The following CSRNP3 variants were observed in gnomAD, a reference collection of about 807,000 sequenced individuals.
CSRNP3 encodes cysteine/serine-rich nuclear protein 3.
CSRNP3 carries 12 observed loss-of-function variants against 48.0 expected under a neutral mutation model. The observed-to-expected ratio is 0.25, with a 90% confidence interval of 0.16 to 0.41. The LOEUF is 0.41. Among genes scored for constraint, CSRNP3 ranks in the 10% least tolerant of loss-of-function variants. The probability of loss-of-function intolerance (pLI) is 1.00; values close to 1 mark genes in which losing one functional copy is unlikely to be tolerated. For synonymous variants in CSRNP3, 263 were observed against 269.7 expected (o/e 0.98, Z 0.24); for missense variants, 580 against 724.4 (o/e 0.80, Z 2.29).
chr2:165,623,963 A>G (rs922297655), intron 4 of CSRNP3, among the ~76,000 whole-genome samples: 3 of 152,162 alleles, frequency 2.0e-5, no homozygotes, highest in Non-Finnish European at 4.4e-5. Context: ...ATAGCAGCAC[A>G]TGGAGTCTAT....
chr2:165,653,001 G>A (rs554490340), intron 4 of CSRNP3, among the ~76,000 whole-genome samples: 1 of 152,274 alleles, frequency 6.6e-6, no homozygotes, highest in East Asian at 1.9e-4. Context: ...TACTAGGTAG[G>A]TATATCAGGG....
intron 5 of CSRNP3, among the ~76,000 whole-genome samples, chr2:165,659,884 G>A (rs1454458061): frequency 3.3e-5 from 5 of 152,290 alleles, no homozygotes; most frequent in South Asian, 2.1e-4. Context: ...ATGTATGTAC[G>A]TGCCATGTTC....
intron 4 of CSRNP3, among the ~76,000 whole-genome samples, chr2:165,634,538 C>T (rs1443122743): frequency 2.0e-5 from 3 of 152,062 alleles, no homozygotes; most frequent in Admixed American, 2.0e-4. Context: ...ATATGCATAA[C>T]ATCAAGTAGT....
In CSRNP3 at chr2:165,657,655, C is replaced by T. The variant is rs12620509; in HGVS notation, c.149-106C>T. 3.5e-5 allele frequency: 49 copies of T among 1,386,816 alleles called. No individual in the cohort carries two copies. In the African/African-American group the frequency reaches 5.3e-4, roughly 15 times the overall value. The allele number at this position is 1,386,816 out of a possible 1,614,324, so 85.9% of individuals were successfully genotyped here. A position where few individuals can be genotyped will look rare whatever the true frequency, so the allele number is the denominator to read the frequency against. On this transcript the variant is annotated intron_variant, in intron 4 of 6. Coordinates refer to ENST00000651982, the MANE Select transcript of CSRNP3 (RefSeq NM_001172173.2). ...AACAGTTTTAGAGTGCCCTAGCCAA[C>T]AAGGGTTGGCCACAGATAGATTCAA...
At chr2:165,602,900 T>C (rs915629183) in intron 4 of CSRNP3, among the ~76,000 whole-genome samples, 4 of 152,120 alleles carry the variant, frequency 2.6e-5, no homozygotes, top group African/African-American at 9.7e-5. Flanking sequence ...TTTTTTATTT[T>C]TTTTAATTTT....
At chr2:165,557,766 T>C (rs575888238) in intron 3 of CSRNP3, among the ~76,000 whole-genome samples, 1 of 152,330 alleles carries the variant, frequency 6.6e-6, no homozygotes, top group African/African-American at 2.4e-5. Context: ...AAATATTTAA[T>C]TGAATCCCAG....
At chr2:165,593,650 A>G (rs1208990965) in intron 3 of CSRNP3, among the ~76,000 whole-genome samples, 1 of 152,186 alleles carries the variant, frequency 6.6e-6, no homozygotes, top group Non-Finnish European at 1.5e-5. Context: ...TACAGAGATA[A>G]TATAACTAAG....
chr2:165,669,160 A>C (rs929659427), intron 5 of CSRNP3, among the ~76,000 whole-genome samples: 3 of 152,204 alleles, frequency 2.0e-5, no homozygotes, highest in Non-Finnish European at 4.4e-5. Context: ...AAGTTGAATT[A>C]GTTTTTCACA....
intron 3 of CSRNP3, among the ~76,000 whole-genome samples, chr2:165,558,678 T>C (rs1286620211): frequency 2.0e-5 from 3 of 152,226 alleles, no homozygotes; most frequent in South Asian, 2.1e-4. Context: ...TTGTTTATTA[T>C]GTAGCCGCAA....
chr2:165,666,623 G>A lies in CSRNP3; in HGVS notation c.408+8603G>A, dbSNP rs1368462303. Among the ~76,000 whole-genome samples, 21 of 81,958 alleles carry A rather than the reference G, an allele frequency of 2.6e-4. 5 individuals carry two copies. Among genetic ancestry groups the A allele is most frequent in the African/African-American group, 9.0e-4 (20 of 22,182 alleles). The allele number at this position is 81,958 out of a possible 152,430, so 53.8% of individuals were successfully genotyped here. A position where few individuals can be genotyped will look rare whatever the true frequency, so the allele number is the denominator to read the frequency against. On this transcript the variant is annotated intron_variant, in intron 5 of 6. Transcript: ENST00000651982. ...GAGAGAGATGAAGAAAGAGAGAAAG[G>A]AAGGAAGTAAGGGAGGAAAGACAGA...
intron 3 of CSRNP3, among the ~76,000 whole-genome samples, chr2:165,527,664 G>A (rs6717421): frequency 0.27 from 40,682 of 151,878 alleles, 5,672 homozygotes; most frequent in East Asian, 0.34. Context: ...TTTTCAGTAG[G>A]CTCCAAATTT....
intron 4 of CSRNP3, among the ~76,000 whole-genome samples, chr2:165,609,291 TA>T (rs957287917): frequency 3.1e-5 from 4 of 129,432 alleles, no homozygotes; most frequent in South Asian, 2.5e-4. Context: ...CCGTCTCTAC[TA>T]AAAAAAAATA....
Position 165,681,735 on chromosome 2 carries a change from A to ATATATT in CSRNP3, c.*1987_*1988insTTATAT. 2.5e-5 allele frequency: 2 copies of ATATATT among 78,574 alleles called. 1 individual carries two copies. The highest frequency in any genetic ancestry group is 7.4e-4 in the South Asian group (2 of 2,706). 4.9% of individuals were successfully genotyped at this position (78,574 alleles called of 1,614,324 possible). On this transcript the variant is annotated 3_prime_UTR_variant, in exon 7 of 7. Coordinates refer to ENST00000651982, the MANE Select transcript of CSRNP3 (RefSeq NM_001172173.2). ...TGAAATCTCAAATATACATATATAT[A>ATATATT]TATATATATATATATATATATATAT...
chr2:165,651,351 G>C (rs1686899435), intron 4 of CSRNP3, among the ~76,000 whole-genome samples: 1 of 152,234 alleles, frequency 6.6e-6, no homozygotes, highest in East Asian at 1.9e-4. Flanking sequence ...TGTGAGTGTG[G>C]AAAGAGAAAA....
intron 1 of CSRNP3, among the ~76,000 whole-genome samples, chr2:165,492,724 T>TAAAAA (rs11304265): frequency 1.5e-4 from 17 of 110,134 alleles, no homozygotes; most frequent in South Asian, 3.1e-4. Context: ...ACTATTAGAG[T>TAAAAA]AAAAAAAAAA....
chr2:165,643,247 G>A (rs1273046525), intron 4 of CSRNP3, among the ~76,000 whole-genome samples: 1 of 152,162 alleles, frequency 6.6e-6, no homozygotes, highest in Admixed American at 6.5e-5. Context: ...ACATCTTTCT[G>A]AGGATAAAAA....
intron 3 of CSRNP3, among the ~76,000 whole-genome samples, chr2:165,581,079 T>A (rs1685538352): frequency 6.6e-6 from 1 of 152,242 alleles, no homozygotes; most frequent in South Asian, 2.1e-4. Flanking sequence ...TTGTTTCCTC[T>A]GTTTTTGATA....
At position 165,679,631 on chromosome 2, in the gene CSRNP3, G is replaced by C; in HGVS notation, c.1636G>C (p.Ala546Pro). 1 of 1,614,132 alleles carries C rather than the reference G, an allele frequency of 6.2e-7. No individual in the cohort carries two copies. The highest frequency in any genetic ancestry group is 8.5e-7 in the Non-Finnish European group (1 of 1,179,986). Reference sequence around the variant, plus strand: ...CCCCTCCCAAGAAGGGTTTGTCTCTGCATTGAATGGTGACAGTCACATTTC... The same window carrying C: ...CCCCTCCCAAGAAGGGTTTGTCTCTCCATTGAATGGTGACAGTCACATTTC... ...KGPSQEGFVS[A>P]LNGDSHISEH... The change falls in exon 7 of 7, where the codon GCA becomes CCA. Residue 546 changes from alanine (A) to proline (P), a missense_variant. Ala to Pro is a conservative substitution (Grantham distance 27). Coordinates refer to ENST00000651982, the MANE Select transcript of CSRNP3 (RefSeq NM_001172173.2).
At chr2:165,648,921 A>T (rs1686858676) in intron 4 of CSRNP3, among the ~76,000 whole-genome samples, 1 of 152,188 alleles carries the variant, frequency 6.6e-6, no homozygotes, top group Non-Finnish European at 1.5e-5. Context: ...GATCAAACCA[A>T]ACCAATGAAG....
Sources: allele counts gnomAD v4.1 joint callset (sites outside exome capture counted in the v4.1 genomes callset), GRCh38; gene constraint gnomAD v4.1.1; transcripts MANE v1.5; gene names NCBI Gene and HGNC (gene_info 2026-07-23, HGNC 2026-07-21).